Variants in KCND2 observed in about 807,000 individuals in gnomAD.
KCND2 encodes A-type voltage-gated potassium channel KCND2.
Under a neutral mutation model 54.4 loss-of-function variants are expected in KCND2, and 16 were observed. The ratio of observed to expected loss-of-function variants is 0.29; its 90% confidence interval spans 0.20 to 0.45. The LOEUF is 0.45. Ranked by LOEUF, KCND2 falls within the 20% of genes least tolerant of loss-of-function variation. KCND2 has a pLI of 1.00. For synonymous variants in KCND2, 317 were observed against 310.7 expected (o/e 1.02, Z -0.21); for missense variants, 486 against 824.2 (o/e 0.59, Z 5.02).
At chr7:120,624,751 A>C (rs1793143889) in intron 1 of KCND2, among the ~76,000 whole-genome samples, 1 of 151,380 alleles carries the variant, frequency 6.6e-6, no homozygotes, top group African/African-American at 2.4e-5. Flanking sequence ...ACTGCACTCC[A>C]GTCTGAGTGA....
chr7:120,356,105 T>C (rs917200750), intron 1 of KCND2, among the ~76,000 whole-genome samples: 10 of 152,150 alleles, frequency 6.6e-5, no homozygotes, highest in African/African-American at 2.4e-4. Flanking sequence ...CAAACCAGTC[T>C]CGATGGGAGT....
chr7:120,329,846 T>A (rs148675093), intron 1 of KCND2, among the ~76,000 whole-genome samples: 1 of 152,332 alleles, frequency 6.6e-6, no homozygotes, highest in East Asian at 1.9e-4. Context: ...ATTTCTTAAT[T>A]TAGACAAATG....
At chr7:120,367,866 C>T (rs1014998099) in intron 1 of KCND2, among the ~76,000 whole-genome samples, 6 of 151,984 alleles carry the variant, frequency 3.9e-5, no homozygotes, top group East Asian at 1.9e-4. Context: ...TTTTCATTGT[C>T]CTATCAAGGT....
intron 1 of KCND2, among the ~76,000 whole-genome samples, chr7:120,689,101 T>C (rs897263254): frequency 1.1e-4 from 16 of 152,264 alleles, no homozygotes; most frequent in Middle Eastern, 3.4e-3. Flanking sequence ...GTCACTGTAG[T>C]ACAGGGTCTT....
At chr7:120,645,182 A>C (rs1386696440) in intron 1 of KCND2, among the ~76,000 whole-genome samples, 4 of 152,226 alleles carry the variant, frequency 2.6e-5, no homozygotes, top group African/African-American at 9.6e-5. Flanking sequence ...CCTGAGCCTC[A>C]TTGCTATAAA....
intron 1 of KCND2, among the ~76,000 whole-genome samples, chr7:120,656,287 G>T (rs1791802543): frequency 6.6e-6 from 1 of 151,948 alleles, no homozygotes; most frequent in African/African-American, 2.4e-5. Context: ...GGAACATACC[G>T]AAAATACTTA....
At position 120,439,848 on chromosome 7, in the gene KCND2, A is replaced by G. The variant is rs192135758; in HGVS notation, c.1115+164101A>G. Among the ~76,000 whole-genome samples, 11 of 151,860 alleles carry G rather than the reference A, an allele frequency of 7.2e-5. No individual in the cohort carries two copies. In the East Asian group the frequency reaches 1.9e-3, roughly 27 times the overall value. On this transcript the variant is annotated intron_variant, in intron 1 of 5. Coordinates refer to ENST00000331113, the MANE Select transcript of KCND2 (RefSeq NM_012281.3). Reference sequence around the variant, plus strand: ...TGAATGACACAATTCCATTATTTTTATGTCTAAATAGTGTTCCATTTTGTA... The same window carrying G: ...TGAATGACACAATTCCATTATTTTTGTGTCTAAATAGTGTTCCATTTTGTA...
intron 1 of KCND2, among the ~76,000 whole-genome samples, chr7:120,702,874 C>G (rs1212653066): frequency 6.7e-6 from 1 of 150,318 alleles, no homozygotes; most frequent in Non-Finnish European, 1.5e-5. Context: ...TGTACAATAA[C>G]CCCCCCGTCA....
At chr7:120,285,309 A>G (rs1239104507) in intron 1 of KCND2, among the ~76,000 whole-genome samples, 1 of 152,088 alleles carries the variant, frequency 6.6e-6, no homozygotes, top group African/African-American at 2.4e-5. Flanking sequence ...AATATCTCAC[A>G]AGACTAGTTT....
intron 1 of KCND2, among the ~76,000 whole-genome samples, chr7:120,371,324 C>T (rs1418041553): frequency 6.6e-6 from 1 of 151,974 alleles, no homozygotes; most frequent in East Asian, 1.9e-4. Context: ...TTTAATCATG[C>T]TTACATACTT....
intron 1 of KCND2, among the ~76,000 whole-genome samples, chr7:120,626,563 A>G (rs1045332548): frequency 1.3e-5 from 2 of 152,266 alleles, no homozygotes; most frequent in East Asian, 1.9e-4. Context: ...AAGTCCAACA[A>G]TAGCAAAGAA....
At chr7:120,468,245 G>A (rs1279054709) in intron 1 of KCND2, among the ~76,000 whole-genome samples, 1 of 151,958 alleles carries the variant, frequency 6.6e-6, no homozygotes, top group Non-Finnish European at 1.5e-5. Context: ...TATTAACTAA[G>A]TATTTAATTT....
At chr7:120,378,111 A>G (rs968477687) in intron 1 of KCND2, among the ~76,000 whole-genome samples, 4 of 151,878 alleles carry the variant, frequency 2.6e-5, no homozygotes, top group African/African-American at 9.7e-5. Flanking sequence ...AAGGCAAACA[A>G]ATGTTACTCT....
chr7:120,668,546 A>T lies in KCND2; in HGVS notation c.1116-64357A>T, dbSNP rs981376259. Among the ~76,000 whole-genome samples the T allele has an allele frequency of 4.6e-5, 7 of 152,234 alleles. No individual in the cohort carries two copies. In the East Asian group the frequency reaches 1.3e-3, roughly 29 times the overall value. On this transcript the variant is annotated intron_variant, in intron 1 of 5. Transcript: ENST00000331113. ...TTCAAAATGTTTCTTAACATAAAAC[A>T]TCAAGGTGGTTGGTTGAATAGTAAA...
At chr7:120,347,136 G>A (rs1405002649) in intron 1 of KCND2, among the ~76,000 whole-genome samples, 1 of 152,076 alleles carries the variant, frequency 6.6e-6, no homozygotes, top group Non-Finnish European at 1.5e-5. Context: ...TTCTAAAAGG[G>A]TTTAAGCTCA....
chr7:120,576,462 C>T (rs909960767), intron 1 of KCND2, among the ~76,000 whole-genome samples: 37 of 152,180 alleles, frequency 2.4e-4, no homozygotes, highest in African/African-American at 7.7e-4. Flanking sequence ...TTATGTAGAA[C>T]GACTATATAT....
At chr7:120,619,070 T>C (rs1220973065) in intron 1 of KCND2, among the ~76,000 whole-genome samples, 1 of 152,240 alleles carries the variant, frequency 6.6e-6, no homozygotes, top group East Asian at 1.9e-4. Flanking sequence ...TTTGGAAATA[T>C]TTGAGACTCT....
At chr7:120,652,084 T>C (rs926603759) in intron 1 of KCND2, among the ~76,000 whole-genome samples, 1 of 98,576 alleles carries the variant, frequency 1.0e-5, no homozygotes, top group Non-Finnish European at 2.1e-5. Context: ...TTTTTTTTCC[T>C]TTTTTTTTTT....
At chr7:120,472,042 C>G (rs1199445762) in intron 1 of KCND2, among the ~76,000 whole-genome samples, 1 of 151,522 alleles carries the variant, frequency 6.6e-6, no homozygotes, top group Non-Finnish European at 1.5e-5. Context: ...AAGAAAAAAC[C>G]AGATTCTGGA....
Sources: allele counts gnomAD v4.1 joint callset (sites outside exome capture counted in the v4.1 genomes callset), GRCh38; gene constraint gnomAD v4.1.1; transcripts MANE v1.5; gene names NCBI Gene and HGNC (gene_info 2026-07-23, HGNC 2026-07-21).